CSMD2: variants seen among roughly 807,000 people sequenced by gnomAD.
The protein encoded by CSMD2 is CUB and sushi domain-containing protein 2.
CSMD2 carries 130 observed loss-of-function variants against 398.5 expected under a neutral mutation model. That is an observed-to-expected ratio of 0.33 (90% CI 0.28 to 0.38). The LOEUF (loss-of-function observed/expected upper bound fraction) is 0.38. Ranked by LOEUF, CSMD2 falls within the 10% of genes least tolerant of loss-of-function variation. CSMD2 has a pLI of 1.00. For synonymous variants in CSMD2, 1,828 were observed against 1,908.5 expected, an observed-to-expected ratio of 0.96 and a Z score of 1.10; for missense variants, 3,829 against 4,764.9, an observed-to-expected ratio of 0.80 and a Z score of 5.78.
At chr1:33,720,690 T>C (rs1479641955) in intron 19 of CSMD2, among the ~76,000 whole-genome samples, 1 of 152,098 alleles carries the variant, frequency 6.6e-6, no homozygotes, top group Non-Finnish European at 1.5e-5. Context: ...CCAGCTATTT[T>C]ATTTTATTTT....
At chr1:33,855,802 A>G (rs1163499467) in intron 5 of CSMD2, among the ~76,000 whole-genome samples, 3 of 152,176 alleles carry the variant, frequency 2.0e-5, no homozygotes, top group Admixed American at 2.0e-4. Context: ...TGGTGACTAC[A>G]GCATATTCAC....
chr1:33,624,283 C>A lies in CSMD2; in HGVS notation c.5625+236G>T, dbSNP rs541131984. Reference sequence around the variant, plus strand: ...TTCCTGGGTTACCCGACTCCCACCGCATGTCCCTGAAGCTCTTGGGGCCTG... The same window carrying A: ...TTCCTGGGTTACCCGACTCCCACCGAATGTCCCTGAAGCTCTTGGGGCCTG... On this transcript the variant is annotated intron_variant, in intron 35 of 70. Transcript: ENST00000373381. The surrounding 1 kb of genome is among the most constrained non-coding windows in gnomAD (Gnocchi z 4.7). 6.6e-6 allele frequency among the ~76,000 whole-genome samples: 1 copy of A among 152,312 alleles called. No individual in the cohort carries two copies. Among genetic ancestry groups the A allele is most frequent in the Admixed American group, 6.5e-5 (1 of 15,310 alleles).
chr1:33,799,529 C>T (rs529745039), intron 10 of CSMD2, among the ~76,000 whole-genome samples: 1 of 152,312 alleles, frequency 6.6e-6, no homozygotes, highest in East Asian at 1.9e-4. Flanking sequence ...TTATTTCTCC[C>T]TAACAGAACC....
At chr1:33,934,622 A>C (rs1363231908) in intron 4 of CSMD2, among the ~76,000 whole-genome samples, 1 of 152,196 alleles carries the variant, frequency 6.6e-6, no homozygotes, top group Admixed American at 6.5e-5. Context: ...AGAAGATGGA[A>C]AGGACATACA....
Position 33,514,391 on chromosome 1 carries a change from G to C in CSMD2, c.*2233C>G, listed in dbSNP as rs1653584032. The C allele has an allele frequency of 6.6e-6, 1 of 150,378 alleles. No individual in the cohort carries two copies. The highest frequency in any genetic ancestry group is 6.6e-5 in the Admixed American group (1 of 15,058). The allele number at this position is 150,378 out of a possible 1,614,324, so 9.3% of individuals were successfully genotyped here. ...ACTTTTTTTTTTTTCCTCATGGGAT[G>C]GTGATGGGTATATGGCGTAGATGGT... On this transcript the variant is annotated 3_prime_UTR_variant, in exon 71 of 71. Transcript: ENST00000373381.
intron 3 of CSMD2, among the ~76,000 whole-genome samples, chr1:33,993,747 G>C (rs923692143): frequency 4.0e-5 from 6 of 151,890 alleles, no homozygotes; most frequent in African/African-American, 1.5e-4. Flanking sequence ...CACTTCCTTG[G>C]AAGTCCCCCT....
At chr1:33,759,310 TTTTC>T (rs1303089103) in intron 13 of CSMD2, among the ~76,000 whole-genome samples, 1 of 127,584 alleles carries the variant, frequency 7.8e-6, no homozygotes, top group East Asian at 2.1e-4. Context: ...CTTGAGTTTC[TTTTC>T]TTTTTTTTTC....
chr1:33,915,813 G>A lies in CSMD2; in HGVS notation c.920+2281C>T, dbSNP rs191748855. Among the ~76,000 whole-genome samples, 6 of 152,294 alleles carry A rather than the reference G, an allele frequency of 3.9e-5. No homozygotes were observed. The South Asian group carries it at 6.2e-4, about 16-fold the overall frequency. On this transcript the variant is annotated intron_variant, in intron 5 of 70. Coordinates refer to ENST00000373381, the MANE Select transcript of CSMD2 (RefSeq NM_001281956.2). ...CTTACAAGGGAATGCTACATAGCCC[G>A]GAAAACTCATCACAGATATCGCATG...
At chr1:34,151,819 C>CG (rs1450985747) in intron 1 of CSMD2, among the ~76,000 whole-genome samples, 1 of 147,920 alleles carries the variant, frequency 6.8e-6, no homozygotes, top group Non-Finnish European at 1.5e-5. Context: ...CTCCCTCCCC[C>CG]CCCTTCTCTC....
chr1:33,680,907 C>A (rs558783878), intron 25 of CSMD2, among the ~76,000 whole-genome samples: 3 of 136,396 alleles, frequency 2.2e-5, no homozygotes, highest in African/African-American at 8.3e-5. Context: ...TTTCCATCAT[C>A]CTGTTTTATG....
intron 12 of CSMD2, 92 bp downstream of exon 12, chr1:33,788,508 A>C (rs75547173): frequency 5.4e-5 from 4 of 74,416 alleles, no homozygotes; most frequent in Non-Finnish European, 8.1e-5. Context: ...ACTCCGTCTC[A>C]AAAAAAAAAA....
At chr1:33,823,704 C>T (rs1481170602) in intron 7 of CSMD2, among the ~76,000 whole-genome samples, 12 of 152,200 alleles carry the variant, frequency 7.9e-5, no homozygotes, top group Admixed American at 2.6e-4. Context: ...AGGCCAGCCA[C>T]CTGAAGACAT....
intron 2 of CSMD2, among the ~76,000 whole-genome samples, chr1:34,049,392 C>A (rs1257444221): frequency 3.9e-5 from 6 of 152,276 alleles, no homozygotes; most frequent in Admixed American, 3.9e-4. Flanking sequence ...CTATGTTGCA[C>A]ATCTTTCAGG....
chr1:33,742,539 A>G (rs1424398456), intron 14 of CSMD2, among the ~76,000 whole-genome samples: 6 of 148,714 alleles, frequency 4.0e-5, no homozygotes, highest in Admixed American at 3.4e-4. Context: ...ACTTCTTGCT[A>G]TCTTTGGTGG....
At chr1:34,127,633 T>C (rs1662880507) in intron 1 of CSMD2, among the ~76,000 whole-genome samples, 1 of 152,042 alleles carries the variant, frequency 6.6e-6, no homozygotes, top group Non-Finnish European at 1.5e-5. Flanking sequence ...ATTTGTGCCT[T>C]GGAATGGCCA....
chr1:33,584,871 G>A (rs140694173), intron 46 of CSMD2, among the ~76,000 whole-genome samples: 1 of 152,152 alleles, frequency 6.6e-6, no homozygotes, highest in Non-Finnish European at 1.5e-5. Context: ...AAGACATTGA[G>A]CTTGGAACTT....
intron 15 of CSMD2, among the ~76,000 whole-genome samples, chr1:33,732,072 C>G (rs144852237): frequency 6.6e-6 from 1 of 151,896 alleles, no homozygotes; most frequent in African/African-American, 2.4e-5. Context: ...TTCATTTAAA[C>G]AAGGTGAAGG....
chr1:34,165,820 T>A (rs1641838631), upstream of CSMD2: 1 of 1,605,494 alleles, frequency 6.2e-7, no homozygotes, highest in African/African-American at 1.3e-5. Flanking sequence ...TCATTCACAA[T>A]AGCCTCCTAC....
chr1:33,963,321 T>C (rs1035378792), intron 3 of CSMD2, among the ~76,000 whole-genome samples: 2 of 152,240 alleles, frequency 1.3e-5, no homozygotes, highest in Non-Finnish European at 2.9e-5. Flanking sequence ...TCCCAAAGAT[T>C]CCGATTTATT....
Sources: allele counts gnomAD v4.1 joint callset (sites outside exome capture counted in the v4.1 genomes callset), GRCh38; gene constraint gnomAD v4.1.1; non-coding constraint Gnocchi (gnomAD v3.1); transcripts MANE v1.5; gene names NCBI Gene and HGNC (gene_info 2026-07-23, HGNC 2026-07-21).